LOXL2: variants seen among roughly 807,000 people sequenced by gnomAD.
The protein encoded by LOXL2 is lysyl oxidase homolog 2.
LOXL2 carries 70 observed loss-of-function variants against 93.0 expected under a neutral mutation model. The observed-to-expected ratio is 0.75, with a 90% CI of 0.62 to 0.92. The LOEUF (loss-of-function observed/expected upper bound fraction) is 0.92. LOXL2 is among the 40% of genes least tolerant of loss of function. The pLI is 0.00. For synonymous variants in LOXL2, 438 were observed against 413.2 expected (o/e 1.06, Z -0.73); for missense variants, 973 against 1,054.9 (o/e 0.92, Z 1.08).
At chr8:23,352,974 A>T (rs1464394358) in intron 3 of LOXL2, among the ~76,000 whole-genome samples, 1 of 139,448 alleles carries the variant, frequency 7.2e-6, no homozygotes, top group African/African-American at 2.6e-5. Context: ...AAGAGCCTTT[A>T]AAGGATAGGT....
At position 23,394,520 on chromosome 8, in the gene LOXL2, G is replaced by A. The variant is rs188244860; in HGVS notation, c.-84+9434C>T. ...CATAAAAAGGTGTGATACATCACTCGTCATCAAGCAAACACAAAGTACCAT... is the reference window on the plus strand; with the variant it reads ...CATAAAAAGGTGTGATACATCACTCATCATCAAGCAAACACAAAGTACCAT... On this transcript the variant is annotated intron_variant, in intron 1 of 13. Coordinates refer to ENST00000389131, the MANE Select transcript of LOXL2 (RefSeq NM_002318.3). Among the ~76,000 whole-genome samples the A allele has an allele frequency of 5.9e-5, 9 of 151,974 alleles. No homozygotes were observed. The South Asian group carries it at 8.3e-4, about 14-fold the overall frequency.
chr8:23,348,293 A>T (rs1364236239), intron 3 of LOXL2, among the ~76,000 whole-genome samples: 1 of 151,422 alleles, frequency 6.6e-6, no homozygotes, highest in African/African-American at 2.4e-5. Flanking sequence ...CACTGGGAGA[A>T]ATACCTAATG....
rs1479220002 is a variant in LOXL2, at chr8:23,303,363, C to G, written c.1915G>C (p.Asp639His). ...YHSMEVFTHYDLLNLNGTKVA... is the reference protein window; with the variant it reads ...YHSMEVFTHYHLLNLNGTKVA... ...TTGGTGCCATTGAGGTTCAGCAGGT[C>G]ATAGTGGGTGAACACCTCCATGCTG... The change falls in exon 11 of 14, where the codon GAC (aspartate) becomes CAC (histidine). Residue 639 changes from aspartate to histidine, a missense_variant. Physicochemically the swap from Asp to His is moderately conservative, Grantham distance 81. Coordinates refer to ENST00000389131, the MANE Select transcript of LOXL2 (RefSeq NM_002318.3). 1 of 1,613,130 alleles carries G rather than the reference C, an allele frequency of 6.2e-7. No homozygotes were observed. The highest frequency in any genetic ancestry group is 2.2e-5 in the East Asian group (1 of 44,852).
chr8:23,329,971 GAGA>G (rs1044627176), intron 5 of LOXL2, among the ~76,000 whole-genome samples: 1 of 152,018 alleles, frequency 6.6e-6, no homozygotes, highest in Non-Finnish European at 1.5e-5. Context: ...GCAGTATGGG[GAGA>G]AGAAAAAAGG....
At chr8:23,354,031 G>C (rs2117197832) in intron 3 of LOXL2, among the ~76,000 whole-genome samples, 1 of 152,326 alleles carries the variant, frequency 6.6e-6, no homozygotes, top group South Asian at 2.1e-4. Context: ...AGCTGTAGGA[G>C]TCCAGGGAAG....
At chr8:23,378,702 A>G (rs541238970) in intron 1 of LOXL2, among the ~76,000 whole-genome samples, 1 of 152,294 alleles carries the variant, frequency 6.6e-6, no homozygotes, top group African/African-American at 2.4e-5. Context: ...ATCTTCAATC[A>G]CTGATACCCT....
intron 9 of LOXL2, among the ~76,000 whole-genome samples, chr8:23,314,356 C>T (rs957180241): frequency 2.8e-5 from 4 of 143,358 alleles, no homozygotes; most frequent in East Asian, 2.0e-4. Flanking sequence ...ATGTTTATTG[C>T]GGTACTATTC....
At chr8:23,376,826 CTCTTT>C (rs1309794010) in intron 1 of LOXL2, among the ~76,000 whole-genome samples, 18 of 152,254 alleles carry the variant, frequency 1.2e-4, no homozygotes, top group African/African-American at 4.1e-4. Context: ...TGATTCTTCT[CTCTTT>C]TCTTCTTTAT....
At chr8:23,319,685 G>A (rs1478691041) in intron 8 of LOXL2, among the ~76,000 whole-genome samples, 200 bp downstream of exon 8, 2 of 152,154 alleles carry the variant, frequency 1.3e-5, no homozygotes, top group Non-Finnish European at 2.9e-5. Context: ...GCAGAGATGG[G>A]AGCGACCTGC....
chr8:23,308,193 A>C (rs1803260238), intron 10 of LOXL2, among the ~76,000 whole-genome samples: 1 of 152,202 alleles, frequency 6.6e-6, no homozygotes, highest in Non-Finnish European at 1.5e-5. Context: ...TGCCCATAAC[A>C]GTGATGACCA....
intron 5 of LOXL2, chr8:23,332,090 G>A (rs1306710088): frequency 2.7e-5 from 4 of 149,492 alleles, no homozygotes; most frequent in East Asian, 2.0e-4. Flanking sequence ...AAAAGAAATC[G>A]GCCCATTGAA....
chr8:23,354,417 A>G (rs1804148791), intron 3 of LOXL2, among the ~76,000 whole-genome samples: 1 of 152,172 alleles, frequency 6.6e-6, no homozygotes, highest in Non-Finnish European at 1.5e-5. Flanking sequence ...GCCGCTTTTG[A>G]ATCTGCCCCT....
intron 6 of LOXL2, among the ~76,000 whole-genome samples, chr8:23,328,096 G>A (rs1803612233): frequency 1.3e-5 from 2 of 152,144 alleles, no homozygotes. Flanking sequence ...TAGGAGCTGG[G>A]AGACCTACGG....
chr8:23,348,808 C>T (rs34573977), intron 3 of LOXL2, among the ~76,000 whole-genome samples: 18,520 of 151,616 alleles, frequency 0.12, 1,387 homozygotes, highest in Admixed American at 0.17. Flanking sequence ...ACCCGGGAGG[C>T]GGAGCTTGCA....
chr8:23,375,425 G>A (rs1804571824), intron 1 of LOXL2, among the ~76,000 whole-genome samples: 3 of 152,066 alleles, frequency 2.0e-5, no homozygotes, highest in Admixed American at 1.3e-4. Context: ...ACTTGGCAAT[G>A]CAGGCTCTTT....
chr8:23,340,183 A>G (rs1041191948), intron 4 of LOXL2, among the ~76,000 whole-genome samples: 9 of 152,072 alleles, frequency 5.9e-5, no homozygotes, highest in Admixed American at 4.6e-4. Flanking sequence ...AGTTTACTCA[A>G]CTCTAAAACA....
chr8:23,382,013 C>A (rs548563566), intron 1 of LOXL2, among the ~76,000 whole-genome samples: 3 of 152,308 alleles, frequency 2.0e-5, no homozygotes, highest in South Asian at 4.1e-4. Flanking sequence ...GGGGACCAGG[C>A]AAACCACAGC....
At chr8:23,360,336 T>G in intron 2 of LOXL2, 71 bp from the exon 3 acceptor site, 2 of 1,173,944 alleles carry the variant, frequency 1.7e-6, no homozygotes, top group African/African-American at 3.1e-5. Context: ...GGGGCACCAG[T>G]GTCTCACATG....
At chr8:23,338,696 C>T (rs999661822) in intron 4 of LOXL2, among the ~76,000 whole-genome samples, 1 of 152,196 alleles carries the variant, frequency 6.6e-6, no homozygotes, top group Non-Finnish European at 1.5e-5. Context: ...CAAGCCACTG[C>T]TTCAAGGGCC....
Sources: gnomAD v4.1 joint callset for allele counts (sites outside exome capture counted in the v4.1 genomes callset) on GRCh38, gnomAD v4.1.1 for gene constraint, MANE v1.5 for transcripts, NCBI Gene and HGNC (gene_info 2026-07-23, HGNC 2026-07-21) for gene names.